Variants in ANKRD17 observed in about 807,000 individuals in gnomAD.
The protein encoded by ANKRD17 is ankyrin repeat domain-containing protein 17.
ANKRD17 carries 19 observed loss-of-function variants against 229.7 expected under a neutral mutation model. The ratio of observed to expected loss-of-function variants is 0.08; its 90% CI spans 0.06 to 0.12. ANKRD17 has a LOEUF of 0.12. Ranked by LOEUF, ANKRD17 falls within the 10% of genes least tolerant of loss-of-function variation. The pLI is 1.00. For missense variants in ANKRD17, 2,176 were observed against 3,176.8 expected, an observed-to-expected ratio of 0.68 and a Z score of 7.57; for synonymous variants, 1,112 against 1,146.1, an observed-to-expected ratio of 0.97 and a Z score of 0.60.
Position 73,092,007 on chromosome 4 carries a change from C to T in ANKRD17, c.5621G>A (p.Arg1874Lys), listed in dbSNP as rs1488360703. 1.2e-6 allele frequency: 2 copies of T among 1,614,174 alleles called. No individual in the cohort carries two copies. The highest frequency in any genetic ancestry group is 4.5e-5 in the East Asian group (2 of 44,880). The stretch of plus-strand genomic sequence containing the variant: ...TGGAAGAGAAACTGGAAAACCAGGC[C>T]TCACATTATTCACTGGGTTCTTAAT... ...KTIKNPVNNVRPGFPVSLPLA... is the reference protein window; with the variant it reads ...KTIKNPVNNVKPGFPVSLPLA... Residue 1874 changes from arginine to lysine, a missense_variant, in exon 29 of 34, where the codon AGG becomes AAG. Coordinates refer to ENST00000358602, the MANE Select transcript of ANKRD17 (RefSeq NM_032217.5).
chr4:73,130,610 A>ATTT (rs59923210), intron 16 of ANKRD17, among the ~76,000 whole-genome samples: 1 of 146,378 alleles, frequency 6.8e-6, no homozygotes, highest in Admixed American at 6.9e-5. Flanking sequence ...ATAAAGATCT[A>ATTT]TTTTTTTTTT....
chr4:73,137,825 A>G (rs1729104851), intron 15 of ANKRD17, among the ~76,000 whole-genome samples: 1 of 152,194 alleles, frequency 6.6e-6, no homozygotes, highest in African/African-American at 2.4e-5. Flanking sequence ...GAGAATACAC[A>G]GAATTGTTTT....
At chr4:73,175,948 G>C (rs1734677183) in intron 2 of ANKRD17, among the ~76,000 whole-genome samples, 1 of 149,920 alleles carries the variant, frequency 6.7e-6, no homozygotes, top group Non-Finnish European at 1.5e-5. Context: ...AGCAAATAAG[G>C]ACAAATGGGA....
Position 73,207,554 on chromosome 4 carries a change from G to A in ANKRD17, c.394-30021C>T, listed in dbSNP as rs543731048. Among the ~76,000 whole-genome samples the A allele has an allele frequency of 5.4e-4, 83 of 152,304 alleles. 1 individual carries two copies. In the South Asian group the frequency reaches 0.016, roughly 29 times the overall value. ...AACATACTTTAAATATAAAGACAGA[G>A]ATAGGTTAAAAGAATGGAGAAAGAT... On this transcript the variant is annotated intron_variant, in intron 1 of 33. Coordinates refer to ENST00000358602, the MANE Select transcript of ANKRD17 (RefSeq NM_032217.5).
chr4:73,092,249 G>A lies in ANKRD17; in HGVS notation c.5379C>T (p.Ile1793=). 1 of 1,614,114 alleles carries A rather than the reference G, an allele frequency of 6.2e-7. No homozygotes were observed. Among genetic ancestry groups the A allele is most frequent in the Admixed American group, 1.7e-5 (1 of 60,016 alleles). Residue 1793 remains isoleucine (I), a synonymous_variant, in exon 29 of 34, where the codon ATC becomes ATT. Coordinates refer to ENST00000358602, the MANE Select transcript of ANKRD17 (RefSeq NM_032217.5). ...CATCAATTTCTTTGTCTGGATCCTT[G>A]ATCAAAGCATTAATCAATTGAGTTG... ...RQATQLINAL[I]KDPDKEIDEL... is the part of the protein sequence containing the mutation.
At chr4:73,247,571 C>T (rs1335509451) in intron 1 of ANKRD17, among the ~76,000 whole-genome samples, 4 of 151,922 alleles carry the variant, frequency 2.6e-5, no homozygotes, top group Admixed American at 6.6e-5. Flanking sequence ...CACACACACA[C>T]GCACTCAGTC....
chr4:73,203,950 TGGG>T (rs534314599), intron 1 of ANKRD17, among the ~76,000 whole-genome samples: 1 of 151,288 alleles, frequency 6.6e-6, no homozygotes, highest in Non-Finnish European at 1.5e-5. Context: ...AAAACAGCCA[TGGG>T]GGGGAAAAAA....
At chr4:73,076,323 T>A in intron 33 of ANKRD17, 33 bp from the exon 34 acceptor site, 1 of 1,508,186 alleles carries the variant, frequency 6.6e-7, no homozygotes, top group South Asian at 1.3e-5. Context: ...TTACAAAATA[T>A]ATATCTAGCA....
At chr4:73,096,598 T>C (rs767702655) in intron 27 of ANKRD17, among the ~76,000 whole-genome samples, 1 of 152,230 alleles carries the variant, frequency 6.6e-6, no homozygotes, top group Non-Finnish European at 1.5e-5. Context: ...AGAGTGACAA[T>C]GGATCACATT....
At chr4:73,129,400 G>A (rs1245376364) in intron 16 of ANKRD17, among the ~76,000 whole-genome samples, 4 of 152,172 alleles carry the variant, frequency 2.6e-5, no homozygotes, top group Non-Finnish European at 5.9e-5. Flanking sequence ...AAATTCAGGT[G>A]AAAAAGCACT....
At chr4:73,244,775 C>T (rs1329528404) in intron 1 of ANKRD17, among the ~76,000 whole-genome samples, 1 of 152,088 alleles carries the variant, frequency 6.6e-6, no homozygotes, top group Non-Finnish European at 1.5e-5. Flanking sequence ...TCTGGTAAGG[C>T]TTAGAGAACA....
At chr4:73,097,081 T>C (rs541334391) in intron 27 of ANKRD17, 36 bp downstream of exon 27, 11 of 1,595,298 alleles carry the variant, frequency 6.9e-6, no homozygotes, top group African/African-American at 4.1e-5. Context: ...CTGTGATATA[T>C]AGCACATAAA....
intron 25 of ANKRD17, among the ~76,000 whole-genome samples, chr4:73,101,659 G>A (rs1431264870): frequency 5.6e-5 from 3 of 53,306 alleles, no homozygotes; most frequent in Non-Finnish European, 7.0e-5. Flanking sequence ...ACCAAGACTC[G>A]GTCTCAAAAA....
intron 1 of ANKRD17, among the ~76,000 whole-genome samples, chr4:73,211,833 G>A (rs1040383125): frequency 5.8e-4 from 73 of 126,166 alleles, no homozygotes; most frequent in South Asian, 1.2e-3. Context: ...GGCAACAAGA[G>A]CAAAACTCTG....
chr4:73,224,076 T>C (rs1742198088), intron 1 of ANKRD17, among the ~76,000 whole-genome samples: 1 of 151,998 alleles, frequency 6.6e-6, no homozygotes, highest in South Asian at 2.1e-4. Context: ...GCCAACATGG[T>C]GAAACCCCGT....
intron 3 of ANKRD17, among the ~76,000 whole-genome samples, chr4:73,158,550 T>C (rs1732079176): frequency 7.2e-6 from 1 of 139,304 alleles, no homozygotes; most frequent in Admixed American, 7.1e-5. Context: ...AGGACTTCTC[T>C]GACCACGCTA....
At chr4:73,216,410 A>G (rs1741046881) in intron 1 of ANKRD17, among the ~76,000 whole-genome samples, 1 of 152,314 alleles carries the variant, frequency 6.6e-6, no homozygotes, top group East Asian at 1.9e-4. Context: ...ACAGTGAAAA[A>G]GAGACCTAAG....
At chr4:73,152,213 T>C (rs376828148) in intron 6 of ANKRD17, among the ~76,000 whole-genome samples, 33 of 152,284 alleles carry the variant, frequency 2.2e-4, no homozygotes, top group African/African-American at 7.9e-4. Context: ...TTTCCAGCTT[T>C]ATTTGGAATG....
At chr4:73,168,074 A>G (rs1360331893) in intron 2 of ANKRD17, among the ~76,000 whole-genome samples, 1 of 151,532 alleles carries the variant, frequency 6.6e-6, no homozygotes, top group Non-Finnish European at 1.5e-5. Context: ...AATGCCATGA[A>G]CCCGGGAGGC....
Sources: allele counts gnomAD v4.1 joint callset (sites outside exome capture counted in the v4.1 genomes callset), GRCh38; gene constraint gnomAD v4.1.1; transcripts MANE v1.5; gene names NCBI Gene and HGNC (gene_info 2026-07-23, HGNC 2026-07-21).